Variants in TLE1 observed in about 807,000 individuals in gnomAD.
The protein encoded by TLE1 is transducin-like enhancer protein 1.
A neutral mutation model predicts 89.8 loss-of-function variants in TLE1; 21 were observed. The ratio of observed to expected loss-of-function variants is 0.23; its 90% confidence interval spans 0.17 to 0.34. The LOEUF is 0.34. TLE1 is among the 10% of genes least tolerant of loss of function. The pLI is 1.00. For synonymous variants in TLE1, 447 were observed against 407.6 expected (o/e 1.10, Z -1.16); for missense variants, 795 against 1,031.2 (o/e 0.77, Z 3.14).
At chr9:81,656,690 ATG>A (rs1830186475) in intron 4 of TLE1, among the ~76,000 whole-genome samples, 1 of 152,176 alleles carries the variant, frequency 6.6e-6, no homozygotes, top group African/African-American at 2.4e-5. Flanking sequence ...TTAATCAAAC[ATG>A]TGTCAGGGAC....
chr9:81,613,553 A>G (rs754521670), intron 11 of TLE1, 32 bp from the exon 12 acceptor site: 1 of 1,610,564 alleles, frequency 6.2e-7, no homozygotes, highest in Non-Finnish European at 8.5e-7. Flanking sequence ...AATGAGTATT[A>G]TTTTTAATCC....
At chr9:81,626,961 C>G (rs758848763) in intron 8 of TLE1, among the ~76,000 whole-genome samples, 36 of 152,298 alleles carry the variant, frequency 2.4e-4, no homozygotes, top group African/African-American at 8.4e-4. Context: ...AACAAAATCT[C>G]TATGTCAAAG....
chr9:81,687,088 T>A (rs1005853790), intron 2 of TLE1, among the ~76,000 whole-genome samples: 9 of 151,632 alleles, frequency 5.9e-5, no homozygotes, highest in Non-Finnish European at 1.0e-4. Context: ...CCTAAAGACA[T>A]GAAAAAGGAC....
chr9:81,594,689 A>G (rs1829978829), intron 14 of TLE1, among the ~76,000 whole-genome samples: 1 of 152,196 alleles, frequency 6.6e-6, no homozygotes, highest in Admixed American at 6.5e-5. Context: ...CCCTCGAGAA[A>G]GTCTGGGCCC....
In TLE1 at chr9:81,613,203, G is replaced by A. The variant is rs537713248; in HGVS notation, c.1063+174C>T. Among the ~76,000 whole-genome samples the A allele has an allele frequency of 5.9e-5, 9 of 152,374 alleles. No homozygotes were observed. The South Asian group carries it at 1.9e-3, about 32-fold the overall frequency. Reference sequence around the variant, plus strand: ...GGAGACTGAACAGAGTGCAGCTGCTGAAACCCCAGGACAAACATCTGTTTC... The same window carrying A: ...GGAGACTGAACAGAGTGCAGCTGCTAAAACCCCAGGACAAACATCTGTTTC... On this transcript the variant is annotated intron_variant, in intron 12 of 19. Transcript: ENST00000376499.
At chr9:81,621,525 A>G (rs1825252505) in intron 8 of TLE1, among the ~76,000 whole-genome samples, 1 of 152,236 alleles carries the variant, frequency 6.6e-6, no homozygotes, top group Non-Finnish European at 1.5e-5. Context: ...ATGTTTGAGC[A>G]CTAAGAGGAC....
chr9:81,639,495 T>C (rs149346314), intron 6 of TLE1, among the ~76,000 whole-genome samples: 1 of 152,334 alleles, frequency 6.6e-6, no homozygotes, highest in African/African-American at 2.4e-5. Flanking sequence ...TTAGGAAATT[T>C]GCTTAAAAGT....
rs375716909 is a variant in TLE1 at position 81,591,833 on chromosome 9, A to T, written c.1582-781T>A. On this transcript the variant is annotated intron_variant, in intron 15 of 19. Coordinates refer to ENST00000376499, the MANE Select transcript of TLE1 (RefSeq NM_005077.5). ...GTTATTTGGTTTTTTTAAAAAATGC[A>T]CTAATAACTACTCTAAAAAAAGTCT... Among the ~76,000 whole-genome samples, 112 of 152,324 alleles carry T rather than the reference A, an allele frequency of 7.4e-4. 1 individual carries two copies. Among genetic ancestry groups the T allele is most frequent in the African/African-American group, 2.6e-3 (106 of 41,566 alleles).
At chr9:81,681,514 C>T (rs1189396555) in intron 4 of TLE1, among the ~76,000 whole-genome samples, 3 of 151,508 alleles carry the variant, frequency 2.0e-5, no homozygotes, top group African/African-American at 7.3e-5. Context: ...TGTGCCACCA[C>T]ACTCCAGCCT....
At chr9:81,586,110 T>A (rs964105362) in intron 17 of TLE1, among the ~76,000 whole-genome samples, 7 of 151,556 alleles carry the variant, frequency 4.6e-5, no homozygotes, top group Non-Finnish European at 1.0e-4. Context: ...CTCCGCCTCT[T>A]GGGTTCACGC....
chr9:81,688,152 T>C (rs1834608568), intron 1 of TLE1, 65 bp downstream of exon 1: 1 of 1,587,990 alleles, frequency 6.3e-7, no homozygotes, highest in Non-Finnish European at 8.6e-7. Context: ...CCAGTCTCCC[T>C]ACCGCCCGGG....
intron 6 of TLE1, 23 bp downstream of exon 6, chr9:81,652,191 G>C: frequency 6.2e-7 from 1 of 1,612,250 alleles, no homozygotes; most frequent in Non-Finnish European, 8.5e-7. Flanking sequence ...CACTGTAGGA[G>C]GTAGACCTGG....
At chr9:81,595,814 CA>C (rs11301991) in intron 14 of TLE1, among the ~76,000 whole-genome samples, 64,496 of 106,744 alleles carry the variant, frequency 0.6, 16,355 homozygotes, top group East Asian at 0.68. Context: ...GACTCTGTCT[CA>C]AAAAAAAAAA....
At chr9:81,688,098 T>C in intron 1 of TLE1, 119 bp downstream of exon 1, 1 of 1,354,746 alleles carries the variant, frequency 7.4e-7, no homozygotes, top group Non-Finnish European at 1.0e-6. Context: ...CTCCCCAGCC[T>C]TACACCGCTG....
At chr9:81,655,856 AAAAAAAAAAAAAAG>A (rs1830094054) in intron 4 of TLE1, among the ~76,000 whole-genome samples, 1 of 144,222 alleles carries the variant, frequency 6.9e-6, no homozygotes, top group African/African-American at 2.5e-5. Flanking sequence ...CTGTCTCAAA[AAAAAAAAAAAAAAG>A]AAAAGAAAAG....
chr9:81,678,567 C>T (rs1052144205), intron 4 of TLE1, among the ~76,000 whole-genome samples: 6 of 151,912 alleles, frequency 3.9e-5, no homozygotes, highest in African/African-American at 1.5e-4. Flanking sequence ...TTAATTCCAG[C>T]ACTTTGGGAG....
At chr9:81,676,002 C>T (rs1456839633) in intron 4 of TLE1, among the ~76,000 whole-genome samples, 2 of 151,942 alleles carry the variant, frequency 1.3e-5, no homozygotes, top group African/African-American at 4.8e-5. Flanking sequence ...CCAGGCCGAC[C>T]CACACTAGTT....
chr9:81,688,133 C>A (rs959983648), intron 1 of TLE1, 84 bp downstream of exon 1: 1 of 1,555,658 alleles, frequency 6.4e-7, no homozygotes, highest in Non-Finnish European at 8.8e-7. Flanking sequence ...CGCCGGGCCT[C>A]AGAAGCCACC....
intron 6 of TLE1, among the ~76,000 whole-genome samples, chr9:81,643,424 T>G (rs1360702320): frequency 1.3e-5 from 2 of 151,716 alleles, no homozygotes; most frequent in Non-Finnish European, 2.9e-5. Flanking sequence ...TTAGTAGAGA[T>G]GGGGTTTCTC....
Sources: allele counts gnomAD v4.1 joint callset (sites outside exome capture counted in the v4.1 genomes callset), GRCh38; gene constraint gnomAD v4.1.1; transcripts MANE v1.5; gene names NCBI Gene and HGNC (gene_info 2026-07-23, HGNC 2026-07-21).